Variants in MICU1 observed in about 807,000 individuals in gnomAD.
The protein encoded by MICU1 is mitochondrial calcium uptake 1.
A neutral mutation model predicts 56.8 loss-of-function variants in MICU1; 45 were observed. That is an observed-to-expected ratio of 0.79 (90% CI 0.62 to 1.02). The LOEUF (loss-of-function observed/expected upper bound fraction) is 1.02, where lower values mean the gene tolerates loss of function less well. Among genes scored for constraint, MICU1 ranks in the 50% least tolerant of loss-of-function variants. The probability of loss-of-function intolerance (pLI) is 0.00; values close to 1 mark genes in which losing one functional copy is unlikely to be tolerated. For missense variants in MICU1, 504 were observed against 587.1 expected (o/e 0.86, Z 1.46); for synonymous variants, 186 against 195.1 (o/e 0.95, Z 0.39).
intron 5 of MICU1, among the ~76,000 whole-genome samples, chr10:72,516,550 G>A (rs1475656461): frequency 1.3e-5 from 2 of 152,088 alleles, no homozygotes; most frequent in Admixed American, 6.6e-5. Flanking sequence ...TTTTCTTCTA[G>A]GGTTTTTATG....
chr10:72,449,150 C>A (rs1166653013), intron 8 of MICU1, among the ~76,000 whole-genome samples: 2 of 152,132 alleles, frequency 1.3e-5, no homozygotes, highest in African/African-American at 4.8e-5. Flanking sequence ...GAAATCCCAG[C>A]ACTTTGGGAG....
chr10:72,598,971 A>C (rs905148609), intron 1 of MICU1, among the ~76,000 whole-genome samples: 1 of 152,144 alleles, frequency 6.6e-6, no homozygotes, highest in Non-Finnish European at 1.5e-5. Context: ...ATTTCTCAAG[A>C]CTAAAGAGAG....
At chr10:72,511,850 T>C (rs936484703) in intron 5 of MICU1, among the ~76,000 whole-genome samples, 1 of 152,158 alleles carries the variant, frequency 6.6e-6, no homozygotes, top group African/African-American at 2.4e-5. Flanking sequence ...GCCCCAGCTC[T>C]CAGAGAGAAC....
intron 5 of MICU1, among the ~76,000 whole-genome samples, chr10:72,518,034 CT>C (rs1197780931): frequency 1.6e-3 from 227 of 142,564 alleles, no homozygotes; most frequent in Admixed American, 3.7e-3. Context: ...TTCTTTTCTT[CT>C]TTTTTTTTTT....
At chr10:72,541,005 C>T (rs1172424001) in intron 4 of MICU1, among the ~76,000 whole-genome samples, 1 of 152,228 alleles carries the variant, frequency 6.6e-6, no homozygotes, top group Non-Finnish European at 1.5e-5. Context: ...AGCCTATCTA[C>T]AGAGCTCAGC....
chr10:72,564,306 C>T (rs190693926), intron 2 of MICU1, among the ~76,000 whole-genome samples: 8 of 152,144 alleles, frequency 5.3e-5, no homozygotes, highest in East Asian at 3.9e-4. Flanking sequence ...TTCGGGAGGC[C>T]GAGGTGGGTG....
intron 8 of MICU1, among the ~76,000 whole-genome samples, chr10:72,444,706 C>T (rs566102012): frequency 2.0e-5 from 3 of 152,312 alleles, no homozygotes; most frequent in Non-Finnish European, 4.4e-5. Context: ...AACTTGGCCT[C>T]CCAAAGTGTT....
chr10:72,578,619 T>C (rs951859417), intron 1 of MICU1, among the ~76,000 whole-genome samples: 2 of 151,908 alleles, frequency 1.3e-5, no homozygotes, highest in Non-Finnish European at 2.9e-5. Context: ...GTTGTTGTTG[T>C]TGTTTTGAGA....
intron 1 of MICU1, among the ~76,000 whole-genome samples, chr10:72,624,458 C>T (rs2132599216): frequency 6.6e-6 from 1 of 152,262 alleles, no homozygotes; most frequent in Admixed American, 6.5e-5. Context: ...GATTATGGGC[C>T]TGAGACACCA....
intron 8 of MICU1, among the ~76,000 whole-genome samples, chr10:72,454,326 T>C (rs776110003): frequency 6.6e-6 from 1 of 150,530 alleles, no homozygotes; most frequent in Admixed American, 6.6e-5. Context: ...TGGTGGCACA[T>C]GTCTGTAATC....
At chr10:72,581,222 G>T (rs1840890373) in intron 1 of MICU1, among the ~76,000 whole-genome samples, 1 of 152,176 alleles carries the variant, frequency 6.6e-6, no homozygotes, top group Non-Finnish European at 1.5e-5. Context: ...GTGCAATGCT[G>T]CTTTTTTGCA....
At chr10:72,581,280 C>T (rs1309542743) in intron 1 of MICU1, among the ~76,000 whole-genome samples, 1 of 152,210 alleles carries the variant, frequency 6.6e-6, no homozygotes, top group Non-Finnish European at 1.5e-5. Flanking sequence ...ATAACAATAG[C>T]TGCCATGAAC....
intron 8 of MICU1, among the ~76,000 whole-genome samples, chr10:72,459,531 A>G (rs2132233588): frequency 6.6e-6 from 1 of 152,202 alleles, no homozygotes; most frequent in South Asian, 2.1e-4. Context: ...TATGAGGGTG[A>G]TCTGGCTGAG....
intron 8 of MICU1, among the ~76,000 whole-genome samples, chr10:72,449,189 G>A (rs972353158): frequency 6.6e-6 from 1 of 152,184 alleles, no homozygotes; most frequent in African/African-American, 2.4e-5. Flanking sequence ...CATGAGGTCA[G>A]GAGTTTGAGA....
chr10:72,378,852 G>A (rs977702762), intron 10 of MICU1, among the ~76,000 whole-genome samples: 1 of 152,116 alleles, frequency 6.6e-6, no homozygotes, highest in Admixed American at 6.6e-5. Flanking sequence ...CTGCTGAGGC[G>A]GCTTACTAGC....
chr10:72,489,311 CA>C (rs1866577201), intron 6 of MICU1, among the ~76,000 whole-genome samples: 1 of 141,910 alleles, frequency 7.0e-6, no homozygotes, highest in Non-Finnish European at 1.5e-5. Context: ...CACACACACA[CA>C]CACACACACA....
chr10:72,461,632 C>T, intron 8 of MICU1, among the ~76,000 whole-genome samples: 1 of 152,194 alleles, frequency 6.6e-6, no homozygotes, highest in Non-Finnish European at 1.5e-5. Context: ...TCCTGGAAAA[C>T]TAGTGTAAAT....
chr10:72,475,712 A>G (rs1416634958), intron 7 of MICU1: 8 of 369,658 alleles, frequency 2.2e-5, no homozygotes, highest in Admixed American at 6.6e-5. Context: ...TGCAGGAGTG[A>G]GCCACCGCGC....
intron 8 of MICU1, among the ~76,000 whole-genome samples, chr10:72,426,354 C>T (rs1311290984): frequency 6.6e-6 from 1 of 151,262 alleles, no homozygotes; most frequent in Non-Finnish European, 1.5e-5. Flanking sequence ...CAACACGTTG[C>T]TCAAAGATCA....
Sources: allele counts gnomAD v4.1 joint callset (sites outside exome capture counted in the v4.1 genomes callset), GRCh38; gene constraint gnomAD v4.1.1; transcripts MANE v1.5; gene names NCBI Gene and HGNC (gene_info 2026-07-23, HGNC 2026-07-21).